The following FOXP2 variants were observed in gnomAD, a reference collection of about 807,000 sequenced individuals.
FOXP2 encodes forkhead box protein P2.
Under a neutral mutation model 115.8 loss-of-function variants are expected in FOXP2, and 12 were observed. The observed-to-expected ratio is 0.10, with a 90% CI of 0.07 to 0.17. FOXP2 has a LOEUF of 0.17. Among genes scored for constraint, FOXP2 ranks in the 10% least tolerant of loss-of-function variants. The probability of loss-of-function intolerance (pLI) is 1.00; values close to 1 mark genes in which losing one functional copy is unlikely to be tolerated. For synonymous variants in FOXP2, 328 were observed against 297.7 expected, an observed-to-expected ratio of 1.10 and a Z score of -1.05; for missense variants, 629 against 843.5, an observed-to-expected ratio of 0.75 and a Z score of 3.15.
rs1562911711 is a variant in FOXP2, at chr7:114,415,187, C to T, written c.-184C>T. 4.4e-6 allele frequency: 2 copies of T among 454,228 alleles called. No homozygotes were observed. The highest frequency in any genetic ancestry group is 4.4e-6 in the Non-Finnish European group (1 of 226,704). The allele number at this position is 454,228 out of a possible 1,614,324, so 28.1% of individuals were successfully genotyped here. A position where few individuals can be genotyped will look rare whatever the true frequency, so the allele number is the denominator to read the frequency against. ...AGGTGTACTCACAGTAGTGTAAATACTGCTGTAAATAGTTGTCTGATGGTG... is the reference window on the plus strand; with the variant it reads ...AGGTGTACTCACAGTAGTGTAAATATTGCTGTAAATAGTTGTCTGATGGTG... On this transcript the variant is annotated 5_prime_UTR_variant, in exon 1 of 17. Coordinates refer to ENST00000350908, the MANE Select transcript of FOXP2 (RefSeq NM_014491.4).
chr7:114,094,910 A>G (rs1562962243), intron 1 of FOXP2, among the ~76,000 whole-genome samples: 2 of 151,670 alleles, frequency 1.3e-5, no homozygotes, highest in Non-Finnish European at 2.9e-5. Context: ...ACTCACACCT[A>G]CTCCCATTCC....
intron 1 of FOXP2, among the ~76,000 whole-genome samples, chr7:114,193,232 T>C (rs2129157887): frequency 1.3e-5 from 2 of 152,206 alleles, no homozygotes; most frequent in South Asian, 2.1e-4. Flanking sequence ...GGTTTGCATG[T>C]ATTATTGAAT....
At chr7:114,313,744 C>CAAAA (rs767886427) in intron 2 of FOXP2, among the ~76,000 whole-genome samples, 2 of 19,090 alleles carry the variant, frequency 1.0e-4, no homozygotes, top group Admixed American at 3.4e-4. Flanking sequence ...GACTCCGTCT[C>CAAAA]AAAAAAAAAA....
At chr7:114,588,644 C>A (rs191281776) in intron 3 of FOXP2, among the ~76,000 whole-genome samples, 155 of 152,144 alleles carry the variant, frequency 1.0e-3, no homozygotes, top group African/African-American at 3.5e-3. Flanking sequence ...AGAGAGATAT[C>A]CAAGCATATT....
At chr7:114,433,386 A>C (rs1282240925) in intron 2 of FOXP2, among the ~76,000 whole-genome samples, 2 of 151,904 alleles carry the variant, frequency 1.3e-5, no homozygotes, top group South Asian at 2.1e-4. Context: ...AAAATCTAAC[A>C]CTTGCCATAG....
At chr7:114,091,198 A>AAAAC (rs1384683568) in intron 1 of FOXP2, among the ~76,000 whole-genome samples, 2 of 151,806 alleles carry the variant, frequency 1.3e-5, no homozygotes, top group Admixed American at 6.6e-5. Context: ...TTTCCCAGAC[A>AAAAC]AAACAAACAA....
chr7:114,392,827 A>G (rs564134341), intron 2 of FOXP2, among the ~76,000 whole-genome samples: 1 of 152,336 alleles, frequency 6.6e-6, no homozygotes, highest in African/African-American at 2.4e-5. Flanking sequence ...AACCAGTGTC[A>G]GATGAATGGA....
chr7:114,327,829 T>C (rs1211658556), intron 2 of FOXP2, among the ~76,000 whole-genome samples: 1 of 151,152 alleles, frequency 6.6e-6, no homozygotes, highest in Non-Finnish European at 1.5e-5. Flanking sequence ...TTGTCTTGTC[T>C]TTTTTTTTCT....
chr7:114,616,904 C>T (rs149901729), intron 3 of FOXP2, among the ~76,000 whole-genome samples: 1 of 152,026 alleles, frequency 6.6e-6, no homozygotes, highest in African/African-American at 2.4e-5. Context: ...GTGAGGCCCT[C>T]CCATCTCTAA....
chr7:114,147,927 C>T (rs1792420028), intron 1 of FOXP2, among the ~76,000 whole-genome samples: 1 of 152,168 alleles, frequency 6.6e-6, no homozygotes. Flanking sequence ...GGTACCATAA[C>T]ATGTAGTTAA....
Position 114,353,334 on chromosome 7 carries a change from C to CTTTT in FOXP2, c.-11+65247_-11+65250dup, listed in dbSNP as rs138925770. On this transcript the variant is annotated intron_variant, in intron 2 of 17. Coordinates refer to the FOXP2 transcript ENST00000634411. ...CATTTGTTAATCTGTATAGGAGCCT[C>CTTTT]TTTTTTTTTTTTTTTTTTTTTTTTT... 5.1e-3 allele frequency among the ~76,000 whole-genome samples: 330 copies of CTTTT among 64,114 alleles called. 12 individuals are homozygous for CTTTT. Among genetic ancestry groups the CTTTT allele is most frequent in the South Asian group, 7.0e-3 (9 of 1,294 alleles). 42.1% of individuals were successfully genotyped at this position (64,114 alleles called of 152,430 possible). A position where few individuals can be genotyped will look rare whatever the true frequency, so the allele number is the denominator to read the frequency against.
At chr7:114,188,888 C>A (rs896075415) in intron 1 of FOXP2, among the ~76,000 whole-genome samples, 2 of 152,116 alleles carry the variant, frequency 1.3e-5, no homozygotes, top group African/African-American at 4.8e-5. Context: ...AATATATAAA[C>A]TCATTTGTTT....
At chr7:114,288,501 T>C (rs993103265) in intron 2 of FOXP2, among the ~76,000 whole-genome samples, 1 of 151,808 alleles carries the variant, frequency 6.6e-6, no homozygotes, top group African/African-American at 2.4e-5. Context: ...GTTCATTTGG[T>C]ATTGAAGTTT....
At position 114,652,184 on chromosome 7, in the gene FOXP2, G is replaced by A. The variant is rs779182706; in HGVS notation, c.1095-19G>A. 5.6e-6 allele frequency: 9 copies of A among 1,611,124 alleles called. No individual in the cohort carries two copies. The highest frequency in any genetic ancestry group is 5.1e-6 in the Non-Finnish European group (6 of 1,177,788). On this transcript the variant is annotated intron_variant, in intron 8 of 16. Coordinates refer to ENST00000350908, the MANE Select transcript of FOXP2 (RefSeq NM_014491.4). ...TCGACATCACTTTACATTCTGTTTTGTGTCTTCTGTTTGTTTAGGCACCTT... is the reference window on the plus strand; with the variant it reads ...TCGACATCACTTTACATTCTGTTTTATGTCTTCTGTTTGTTTAGGCACCTT...
At chr7:114,336,861 T>C (rs945746480) in intron 2 of FOXP2, among the ~76,000 whole-genome samples, 1 of 151,492 alleles carries the variant, frequency 6.6e-6, no homozygotes, top group Non-Finnish European at 1.5e-5. Context: ...TGCAAATCAC[T>C]TGCAATTTCC....
intron 2 of FOXP2, among the ~76,000 whole-genome samples, chr7:114,304,775 T>C (rs1796971189): frequency 6.6e-6 from 1 of 151,980 alleles, no homozygotes; most frequent in African/African-American, 2.4e-5. Flanking sequence ...TAATGATACT[T>C]TGTCTTTACT....
chr7:114,611,270 A>G (rs1173470524), intron 3 of FOXP2, among the ~76,000 whole-genome samples: 1 of 152,162 alleles, frequency 6.6e-6, no homozygotes, highest in Non-Finnish European at 1.5e-5. Flanking sequence ...ACATTTAAAA[A>G]TTTTACTCTA....
intron 3 of FOXP2, among the ~76,000 whole-genome samples, chr7:114,560,003 A>G (rs1236214492): frequency 1.3e-5 from 2 of 152,144 alleles, no homozygotes; most frequent in African/African-American, 4.8e-5. Flanking sequence ...TCAAATACCT[A>G]TGGTATCTGC....
At chr7:114,246,378 C>A (rs192093114) in intron 1 of FOXP2, among the ~76,000 whole-genome samples, 1 of 151,780 alleles carries the variant, frequency 6.6e-6, no homozygotes, top group Non-Finnish European at 1.5e-5. Flanking sequence ...CTAATGAGAC[C>A]CCCAAAATTT....
Sources: gnomAD v4.1 joint callset for allele counts (sites outside exome capture counted in the v4.1 genomes callset) on GRCh38, gnomAD v4.1.1 for gene constraint, MANE v1.5 for transcripts, NCBI Gene and HGNC (gene_info 2026-07-23, HGNC 2026-07-21) for gene names.